The following HEPHL1 variants were observed in gnomAD, a reference collection of about 807,000 sequenced individuals.
The protein encoded by HEPHL1 is hephaestin like 1.
Under a neutral mutation model 122.0 loss-of-function variants are expected in HEPHL1, and 123 were observed. That is an observed-to-expected ratio of 1.01 (90% CI 0.87 to 1.17). The LOEUF is 1.17. Ranked by LOEUF, HEPHL1 falls within the 50% of genes most tolerant of loss-of-function variation. HEPHL1 has a pLI of 0.00. For synonymous variants in HEPHL1, 527 were observed against 508.9 expected (o/e 1.04, Z -0.48); for missense variants, 1,452 against 1,430.5 (o/e 1.01, Z -0.24).
rs1333189380 is a variant in HEPHL1, at chr11:94,113,930, T to C, written c.*2036T>C. Among the ~76,000 whole-genome samples the C allele has an allele frequency of 6.6e-6, 1 of 152,250 alleles. No homozygotes were observed. The highest frequency in any genetic ancestry group is 1.5e-5 in the Non-Finnish European group (1 of 68,044). On this transcript the variant is annotated 3_prime_UTR_variant, in exon 20 of 20. Transcript: ENST00000315765. Reference sequence around the variant, plus strand: ...ATATGACTTCTCAAACATTGTTTCCTCAAACATAACTACACTCCTTGTTCT... The same window carrying C: ...ATATGACTTCTCAAACATTGTTTCCCCAAACATAACTACACTCCTTGTTCT...
At chr11:94,074,707 C>A (rs1946105975) in intron 8 of HEPHL1, among the ~76,000 whole-genome samples, 2 of 152,134 alleles carry the variant, frequency 1.3e-5, no homozygotes, top group Non-Finnish European at 2.9e-5. Flanking sequence ...TAACCTTGGG[C>A]ATTCACTAAA....
rs763361521 is a variant in HEPHL1 at position 94,045,859 on chromosome 11, T to C, written c.357T>C (p.Phe119=). 6.2e-7 allele frequency: 1 copy of C among 1,613,906 alleles called. No homozygotes were observed. The highest frequency in any genetic ancestry group is 8.5e-7 in the Non-Finnish European group (1 of 1,179,852). The change falls in exon 2 of 20, where the codon TTT becomes TTC. Residue 119 remains phenylalanine, a synonymous_variant. Transcript: ENST00000315765. ...TGATTGTCATTCATTTAAAGAACTT[T>C]GCTTCTCGACCTTACTCTCTGCATC... ...GDVIVIHLKN[F]ASRPYSLHPH...
chr11:94,039,715 C>G (rs376663971), intron 1 of HEPHL1, among the ~76,000 whole-genome samples: 3 of 150,074 alleles, frequency 2.0e-5, no homozygotes, highest in Non-Finnish European at 3.0e-5. Flanking sequence ...GGGACACATT[C>G]AAAGCAGTGT....
At chr11:94,036,922 G>T (rs1945730270) in intron 1 of HEPHL1, among the ~76,000 whole-genome samples, 2 of 151,724 alleles carry the variant, frequency 1.3e-5, no homozygotes. Flanking sequence ...GAGCGACACA[G>T]AAGACGGGTG....
At chr11:94,057,916 C>G (rs1005321187) in intron 2 of HEPHL1, among the ~76,000 whole-genome samples, 3 of 151,016 alleles carry the variant, frequency 2.0e-5, no homozygotes, top group Non-Finnish European at 4.4e-5. Flanking sequence ...ATTCCTTCAT[C>G]AACTCTAGGT....
chr11:94,096,915 C>A (rs1946321038), intron 13 of HEPHL1, among the ~76,000 whole-genome samples: 1 of 152,090 alleles, frequency 6.6e-6, no homozygotes, highest in Admixed American at 6.6e-5. Flanking sequence ...CTCTCTTCTT[C>A]TTTGATAGTC....
At position 94,054,137 on chromosome 11, in the gene HEPHL1, C is replaced by T. The variant is rs140358807; in HGVS notation, c.415+8220C>T. Among the ~76,000 whole-genome samples the T allele has an allele frequency of 7.5e-3, 1,135 of 152,212 alleles. 15 individuals carry two copies. Among genetic ancestry groups the T allele is most frequent in the African/African-American group, 0.026 (1,097 of 41,522 alleles). ...TGTCATTTATTAACAACAGTTTATACAGATCTATTTTCAAAGCACAGGCAC... is the reference window on the plus strand; with the variant it reads ...TGTCATTTATTAACAACAGTTTATATAGATCTATTTTCAAAGCACAGGCAC... On this transcript the variant is annotated intron_variant, in intron 2 of 19. Coordinates refer to ENST00000315765, the MANE Select transcript of HEPHL1 (RefSeq NM_001098672.2).
At chr11:94,095,378 T>G (rs1161255945) in intron 13 of HEPHL1, among the ~76,000 whole-genome samples, 3 of 152,246 alleles carry the variant, frequency 2.0e-5, no homozygotes, top group Admixed American at 2.0e-4. Context: ...ACCAGTACCA[T>G]GCTGTTTTGG....
At chr11:94,100,190 T>C (rs943588966) in intron 13 of HEPHL1, among the ~76,000 whole-genome samples, 17 of 152,208 alleles carry the variant, frequency 1.1e-4, no homozygotes, top group Admixed American at 3.3e-4. Flanking sequence ...TGAGAGAAAA[T>C]TGAAAATAAT....
At chr11:94,110,318 T>C (rs191850499) in intron 17 of HEPHL1, among the ~76,000 whole-genome samples, 3 of 152,250 alleles carry the variant, frequency 2.0e-5, no homozygotes, top group East Asian at 3.9e-4. Flanking sequence ...GTTTAACTAG[T>C]TGGTTGATTC....
chr11:94,075,165 T>C lies in HEPHL1; in HGVS notation c.1505-9T>C, dbSNP rs1946109605. 6.2e-7 allele frequency: 1 copy of C among 1,609,564 alleles called. No individual in the cohort carries two copies. Among genetic ancestry groups the C allele is most frequent in the Non-Finnish European group, 8.5e-7 (1 of 1,177,344 alleles). On this transcript the variant is annotated splice_polypyrimidine_tract_variant and intron_variant, in intron 8 of 19. Coordinates refer to ENST00000315765, the MANE Select transcript of HEPHL1 (RefSeq NM_001098672.2). ...TTGTTTTGAATAATTGTTTTGTTTA[T>C]ATCCTCAGGATTTGTGAAACCAGGG...
At chr11:94,095,998 G>C (rs965376164) in intron 13 of HEPHL1, among the ~76,000 whole-genome samples, 6 of 152,108 alleles carry the variant, frequency 3.9e-5, no homozygotes, top group South Asian at 2.1e-4. Flanking sequence ...ATTCCTAATT[G>C]AATACCCTTT....
intron 1 of HEPHL1, among the ~76,000 whole-genome samples, chr11:94,044,198 A>G (rs1310836466): frequency 1.3e-5 from 2 of 152,012 alleles, no homozygotes; most frequent in Admixed American, 6.6e-5. Context: ...AAGTGGTGCT[A>G]TTGTTTCAGG....
chr11:94,034,904 T>G (rs546441764), intron 1 of HEPHL1, among the ~76,000 whole-genome samples: 1 of 152,290 alleles, frequency 6.6e-6, no homozygotes, highest in Admixed American at 6.5e-5. Flanking sequence ...CAGAAGCAGA[T>G]GAGAAAAATC....
At chr11:94,068,862 A>G (rs2511408) in intron 5 of HEPHL1, among the ~76,000 whole-genome samples, 143,542 of 152,206 alleles carry the variant, frequency 0.94, 68,248 homozygotes, top group East Asian at 1. Flanking sequence ...TGATATTTGG[A>G]TACTAACTTC....
chr11:94,111,859 G>T lies in HEPHL1; in HGVS notation c.3445G>T (p.Val1149Phe). The T allele has an allele frequency of 6.5e-7, 1 of 1,529,542 alleles. No homozygotes were observed. The highest frequency in any genetic ancestry group is 2.3e-5 in the East Asian group (1 of 44,234). The allele number at this position is 1,529,542 out of a possible 1,614,324, so 94.7% of individuals were successfully genotyped here. The change falls in exon 20 of 20, where the codon GTC (valine) becomes TTC (phenylalanine). Residue 1149 changes from valine (V) to phenylalanine (F), a missense_variant. Coordinates refer to ENST00000315765, the MANE Select transcript of HEPHL1 (RefSeq NM_001098672.2). ...SAMKQTDYQQ[V>F]QSCALPTDAL is the part of the protein sequence containing the mutation. ...AATGAAGCAGACAGATTACCAGCAA[G>T]TCCAGTCCTGTGCTCTCCCCACGGA...
intron 10 of HEPHL1, among the ~76,000 whole-genome samples, chr11:94,084,259 G>A (rs934444991): frequency 4.6e-5 from 7 of 151,854 alleles, no homozygotes; most frequent in African/African-American, 7.3e-5. Flanking sequence ...TCTTCAGCCC[G>A]GGAGGTTGAG....
chr11:94,051,114 A>G (rs1945886693), intron 2 of HEPHL1, among the ~76,000 whole-genome samples: 1 of 152,080 alleles, frequency 6.6e-6, no homozygotes, highest in African/African-American at 2.4e-5. Flanking sequence ...ACATGGGAGT[A>G]CAGATATCTG....
Position 94,064,373 on chromosome 11 carries a change from G to T in HEPHL1, c.671G>T (p.Arg224Leu), listed in dbSNP as rs73551201. The change falls in exon 4 of 20, where the codon CGA (arginine) becomes CTA (leucine). Residue 224 changes from arginine (R) to leucine (L), a missense_variant. Physicochemically the swap from Arg to Leu is moderately radical, Grantham distance 102. Coordinates refer to ENST00000315765, the MANE Select transcript of HEPHL1 (RefSeq NM_001098672.2). ...TCAGGGACACGGAATGATGTGGATC[G>T]AGAGTTTGTTATAATGTTTACTCTT... Reference protein sequence around the residue: ...RYSGTRNDVDREFVIMFTLVD... With the variant: ...RYSGTRNDVDLEFVIMFTLVD... 1 of 1,613,136 alleles carries T rather than the reference G, an allele frequency of 6.2e-7. No homozygotes were observed. The highest frequency in any genetic ancestry group is 1.1e-5 in the South Asian group (1 of 91,012).
Sources: gnomAD v4.1 joint callset for allele counts (sites outside exome capture counted in the v4.1 genomes callset) on GRCh38, gnomAD v4.1.1 for gene constraint, MANE v1.5 for transcripts, NCBI Gene and HGNC (gene_info 2026-07-23, HGNC 2026-07-21) for gene names.